The following HLCS variants were observed in gnomAD, a reference collection of about 807,000 sequenced individuals.
HLCS encodes the protein holocarboxylase synthetase.
HLCS carries 53 observed loss-of-function variants against 75.0 expected under a neutral mutation model. The observed-to-expected ratio is 0.71, with a 90% CI of 0.57 to 0.89. The LOEUF (loss-of-function observed/expected upper bound fraction) is 0.89. Among genes scored for constraint, HLCS ranks in the 40% least tolerant of loss-of-function variants. HLCS has a pLI of 0.00. For synonymous variants in HLCS, 431 were observed against 428.6 expected, an observed-to-expected ratio of 1.01 and a Z score of -0.07; for missense variants, 966 against 1,074.0, an observed-to-expected ratio of 0.90 and a Z score of 1.41.
intron 5 of HLCS, among the ~76,000 whole-genome samples, chr21:36,911,105 A>G (rs1427335243): frequency 4.1e-4 from 63 of 152,208 alleles, no homozygotes; most frequent in Admixed American, 4.1e-3. Flanking sequence ...GATATTTCAT[A>G]TCAAATTTCC....
At position 36,752,376 on chromosome 21, in the gene HLCS, A is replaced by G. The variant is rs2089401427; in HGVS notation, c.*1870T>C. On this transcript the variant is annotated 3_prime_UTR_variant, in exon 11 of 11. Coordinates refer to ENST00000674895, the MANE Select transcript of HLCS (RefSeq NM_001352514.2). ...ACTTCAGCTTAAAACAAAACATAGCATGTTTTTCATTAAATAACCCCCAAA... is the reference window on the plus strand; with the variant it reads ...ACTTCAGCTTAAAACAAAACATAGCGTGTTTTTCATTAAATAACCCCCAAA... 6.6e-6 allele frequency: 1 copy of G among 152,592 alleles called. No homozygotes were observed. The highest frequency in any genetic ancestry group is 1.5e-5 in the Non-Finnish European group (1 of 68,048). The allele number at this position is 152,592 out of a possible 1,614,324, so 9.5% of individuals were successfully genotyped here. A position where few individuals can be genotyped will look rare whatever the true frequency, so the allele number is the denominator to read the frequency against.
At chr21:36,895,757 C>T (rs1397097826) in intron 6 of HLCS, among the ~76,000 whole-genome samples, 1 of 152,174 alleles carries the variant, frequency 6.6e-6, no homozygotes, top group Non-Finnish European at 1.5e-5. Context: ...TCTGTCTAAT[C>T]ATGTGGTCCC....
At chr21:36,794,981 T>A (rs2060983695) in intron 6 of HLCS, among the ~76,000 whole-genome samples, 1 of 151,814 alleles carries the variant, frequency 6.6e-6, no homozygotes. Flanking sequence ...GCCCACGGAA[T>A]CCAAGCAGAA....
intron 6 of HLCS, among the ~76,000 whole-genome samples, chr21:36,859,743 C>T (rs143046072): frequency 1.2e-3 from 181 of 152,306 alleles, no homozygotes; most frequent in Non-Finnish European, 2.2e-4. Context: ...TAAAATAAAA[C>T]TGTAGGATTT....
At chr21:36,833,593 T>TAATATATATATATATATA (rs68117417) in intron 6 of HLCS, among the ~76,000 whole-genome samples, 3 of 140,008 alleles carry the variant, frequency 2.1e-5, no homozygotes, top group African/African-American at 8.1e-5. Flanking sequence ...TAAAAAAAAA[T>TAATATATATATATATATA]TATATATATA....
chr21:36,869,323 A>G (rs1349177929), intron 6 of HLCS, among the ~76,000 whole-genome samples: 2 of 152,026 alleles, frequency 1.3e-5, no homozygotes, highest in African/African-American at 2.4e-5. Context: ...TCGTAGAGAC[A>G]GGGTTTCACC....
chr21:36,757,337 C>T (rs1333803957), intron 9 of HLCS, among the ~76,000 whole-genome samples: 1 of 152,164 alleles, frequency 6.6e-6, no homozygotes, highest in African/African-American at 2.4e-5. Context: ...GACTCATGTT[C>T]AGTGGCTTTT....
intron 6 of HLCS, among the ~76,000 whole-genome samples, chr21:36,877,629 T>C (rs1186934607): frequency 6.6e-6 from 1 of 152,164 alleles, no homozygotes; most frequent in Admixed American, 6.5e-5. Context: ...TTTAGGTAGA[T>C]ATATGTGTGT....
At chr21:36,978,433 G>A (rs1443653050) in intron 1 of HLCS, among the ~76,000 whole-genome samples, 1 of 151,734 alleles carries the variant, frequency 6.6e-6, no homozygotes, top group Admixed American at 6.6e-5. Flanking sequence ...AACAGAGGTT[G>A]CAGTGAGCCA....
At chr21:36,968,888 A>C (rs181977381), upstream of HLCS, 5 of 152,242 alleles carry the variant, frequency 3.3e-5, no homozygotes, top group Admixed American at 3.3e-4. Context: ...TTGAGACCAC[A>C]CCTTCCCACA....
intron 6 of HLCS, among the ~76,000 whole-genome samples, chr21:36,840,969 ATT>A (rs1217386006): frequency 2.0e-5 from 3 of 151,780 alleles, no homozygotes; most frequent in Non-Finnish European, 4.4e-5. Context: ...ATCCATGAGG[ATT>A]TTTGTTTTTT....
In HLCS at chr21:36,962,175, A is replaced by G; in HGVS notation, c.196-5T>C. The G allele has an allele frequency of 7.8e-7, 1 of 1,285,138 alleles. No homozygotes were observed. The highest frequency in any genetic ancestry group is 1.2e-5 in the South Asian group (1 of 80,564). The allele number at this position is 1,285,138 out of a possible 1,614,324, so 79.6% of individuals were successfully genotyped here. A position where few individuals can be genotyped will look rare whatever the true frequency, so the allele number is the denominator to read the frequency against. ...CTTGTTCAAGTCTTCAATGGACTGTATAGAGGGAAAGAAATATAATGAGAT... is the reference window on the plus strand; with the variant it reads ...CTTGTTCAAGTCTTCAATGGACTGTGTAGAGGGAAAGAAATATAATGAGAT... On this transcript the variant is annotated splice_polypyrimidine_tract_variant and splice_region_variant and intron_variant, in intron 1 of 10. Transcript: ENST00000674895.
upstream of HLCS, among the ~76,000 whole-genome samples, chr21:36,970,650 T>C (rs1236140415): frequency 6.6e-6 from 1 of 151,806 alleles, no homozygotes; most frequent in African/African-American, 2.4e-5. Flanking sequence ...ATTACAAGCG[T>C]GAGCCACCGT....
intron 6 of HLCS, among the ~76,000 whole-genome samples, chr21:36,797,369 ATAT>A (rs1416419668): frequency 7.4e-4 from 113 of 151,934 alleles, no homozygotes; most frequent in African/African-American, 2.6e-3. Context: ...CATTTTATAA[ATAT>A]TATTAGAAAT....
rs139902499 is a variant in HLCS, at chr21:36,936,556, G to A, written c.1330C>T (p.Arg444Trp). 4.0e-5 allele frequency: 65 copies of A among 1,614,058 alleles called. No homozygotes were observed. Among genetic ancestry groups the A allele is most frequent in the African/African-American group, 4.0e-4 (30 of 74,924 alleles). Residue 444 changes from arginine to tryptophan, a missense_variant, in exon 4 of 11, where the codon CGG (arginine) becomes TGG (tryptophan). Coordinates refer to ENST00000674895, the MANE Select transcript of HLCS (RefSeq NM_001352514.2). ...SGCRYQEGPV[R>W]LSPGRLQGHL... The stretch of plus-strand genomic sequence containing the variant: ...CCCTGGAGCCTGCCGGGGCTGAGCC[G>A]GACGGGGCCTTCCTGGTACCTGCAG...
Position 36,966,504 on chromosome 21 carries a change from G to C in HLCS, c.135C>G (p.Pro45=). 1 of 986,368 alleles carries C rather than the reference G, an allele frequency of 1.0e-6. No homozygotes were observed. Among genetic ancestry groups the C allele is most frequent in the East Asian group, 1.1e-4 (1 of 8,852 alleles). The allele number at this position is 986,368 out of a possible 1,614,324, so 61.1% of individuals were successfully genotyped here. Residue 45 remains proline (P), a synonymous_variant, in exon 1 of 11, where the codon CCC becomes CCG. Coordinates refer to ENST00000674895, the MANE Select transcript of HLCS (RefSeq NM_001352514.2). ...GGCTCAGGCACACGCGGGCGCCCGG[G>C]GGCTGCGCGGCCGCGCCGCAGAAGG... The part of the protein sequence containing the change: ...SFTFCGAAAQ[P]PGARVCLSRG...
chr21:36,789,649 A>G (rs1162001331), intron 6 of HLCS, among the ~76,000 whole-genome samples: 1 of 152,246 alleles, frequency 6.6e-6, no homozygotes, highest in African/African-American at 2.4e-5. Context: ...TAATCCCGAC[A>G]GTCTGGAAAA....
intron 6 of HLCS, among the ~76,000 whole-genome samples, chr21:36,814,966 G>T (rs1257027212): frequency 6.6e-6 from 1 of 152,122 alleles, no homozygotes; most frequent in African/African-American, 2.4e-5. Flanking sequence ...GCCAGGGAAG[G>T]CCATGTGAGT....
At chr21:36,828,402 T>TG (rs1277389873) in intron 6 of HLCS, among the ~76,000 whole-genome samples, 1 of 151,226 alleles carries the variant, frequency 6.6e-6, no homozygotes, top group Non-Finnish European at 1.5e-5. Context: ...AATGAATGAA[T>TG]GAGTGAATAA....
Sources: gnomAD v4.1 joint callset for allele counts (sites outside exome capture counted in the v4.1 genomes callset) on GRCh38, gnomAD v4.1.1 for gene constraint, MANE v1.5 for transcripts, NCBI Gene and HGNC (gene_info 2026-07-23, HGNC 2026-07-21) for gene names.